The following MARCHF1 variants were observed in gnomAD, a reference collection of about 807,000 sequenced individuals.
MARCHF1 encodes the protein membrane associated ring-CH-type finger 1, also known as E3 ubiquitin-protein ligase MARCHF1.
MARCHF1 carries 40 observed loss-of-function variants against 54.2 expected under a neutral mutation model. That is an observed-to-expected ratio of 0.74 (90% CI 0.57 to 0.96). The LOEUF (loss-of-function observed/expected upper bound fraction) is 0.96. Among genes scored for constraint, MARCHF1 ranks in the 40% least tolerant of loss-of-function variants. The pLI, the probability that MARCHF1 is intolerant of heterozygous loss-of-function variation, is 0.00. For synonymous variants in MARCHF1, 236 were observed against 236.3 expected, an observed-to-expected ratio of 1.00 and a Z score of 0.01; for missense variants, 586 against 656.5, an observed-to-expected ratio of 0.89 and a Z score of 1.17.
chr4:164,313,348 CA>C lies in MARCHF1; in HGVS notation c.-323+70521del, dbSNP rs553280791. On this transcript the variant is annotated intron_variant, in intron 1 of 9. Coordinates refer to ENST00000514618, the MANE Select transcript of MARCHF1 (RefSeq NM_001394959.1). ...TGGGTGGCAGAGCAAGACTCTGTCT[CA>C]AAAAAAAAAAAAAAAAAAGTGTAGA... Among the ~76,000 whole-genome samples, 295 of 80,226 alleles carry C rather than the reference CA, an allele frequency of 3.7e-3. 3 individuals are homozygous for C. The highest frequency in any genetic ancestry group is 8.3e-3 in the Middle Eastern group (1 of 120). 52.6% of individuals were successfully genotyped at this position (80,226 alleles called of 152,430 possible).
At chr4:163,585,573 G>A (rs554750893) in intron 8 of MARCHF1, 176 bp downstream of exon 8, 18 of 441,032 alleles carry the variant, frequency 4.1e-5, no homozygotes, top group African/African-American at 3.6e-4. Context: ...ATAGAAGAAA[G>A]GAAGGATTAT....
At chr4:163,583,666 TGG>T (rs1740311190) in intron 8 of MARCHF1, 1 of 139,816 alleles carries the variant, frequency 7.2e-6, no homozygotes, top group Non-Finnish European at 1.6e-5. Flanking sequence ...TTTTTTTTTT[TGG>T]AGACAAAGTA....
rs1753679416 is a variant in MARCHF1, at chr4:164,022,122, CTTTA to C, written c.-247-33417_-247-33414del. On this transcript the variant is annotated intron_variant, in intron 2 of 9. Coordinates refer to ENST00000514618, the MANE Select transcript of MARCHF1 (RefSeq NM_001394959.1). ...GTACAATATATTGTCATTATTTTTT[CTTTA>C]GTTAAACCCCATTGATTGTGCAATA... Among the ~76,000 whole-genome samples, 3 of 151,688 alleles carry C rather than the reference CTTTA, an allele frequency of 2.0e-5. No individual in the cohort carries two copies. In the South Asian group the frequency reaches 6.2e-4, roughly 32 times the overall value.
chr4:164,346,604 GTA>G (rs56936775), intron 1 of MARCHF1, among the ~76,000 whole-genome samples: 3 of 42,598 alleles, frequency 7.0e-5, no homozygotes, highest in Non-Finnish European at 1.1e-4. Context: ...ATGTATGTAT[GTA>G]TATATATATA....
chr4:163,963,808 C>T (rs1304131873), intron 3 of MARCHF1, among the ~76,000 whole-genome samples: 1 of 151,722 alleles, frequency 6.6e-6, no homozygotes, highest in African/African-American at 2.4e-5. Context: ...ATAGAGAGGC[C>T]CTGAAGGATG....
intron 1 of MARCHF1, among the ~76,000 whole-genome samples, chr4:164,181,646 C>G (rs913326172): frequency 6.6e-6 from 1 of 152,118 alleles, no homozygotes; most frequent in Non-Finnish European, 1.5e-5. Context: ...AATTATGATG[C>G]TTCTTCGGGA....
chr4:164,108,902 G>A (rs1189040739), intron 2 of MARCHF1, among the ~76,000 whole-genome samples: 1 of 152,040 alleles, frequency 6.6e-6, no homozygotes, highest in African/African-American at 2.4e-5. Context: ...ATTTTTAAAA[G>A]TGCTTATTAA....
chr4:164,052,147 G>T (rs5863654), intron 2 of MARCHF1, among the ~76,000 whole-genome samples: 10,521 of 148,596 alleles, frequency 0.071, 461 homozygotes, highest in East Asian at 0.23. Context: ...TTTTTTTTTT[G>T]TTTTTTTTGT....
chr4:163,823,686 C>A (rs1231651472), intron 4 of MARCHF1, among the ~76,000 whole-genome samples: 1 of 151,800 alleles, frequency 6.6e-6, no homozygotes, highest in Non-Finnish European at 1.5e-5. Flanking sequence ...TTATCACTAT[C>A]ATTGCTAAAG....
chr4:164,367,027 T>C (rs1220878261), intron 1 of MARCHF1, among the ~76,000 whole-genome samples: 1 of 152,110 alleles, frequency 6.6e-6, no homozygotes, highest in Non-Finnish European at 1.5e-5. Context: ...AGGTACAGTC[T>C]AGTTACCAAA....
At chr4:163,784,648 C>T (rs1747566297) in intron 4 of MARCHF1, among the ~76,000 whole-genome samples, 1 of 152,048 alleles carries the variant, frequency 6.6e-6, no homozygotes, top group Admixed American at 6.6e-5. Flanking sequence ...TATGATAATT[C>T]ACTTATTGTT....
intron 5 of MARCHF1, among the ~76,000 whole-genome samples, chr4:163,616,496 T>A (rs542651271): frequency 2.0e-5 from 3 of 152,048 alleles, no homozygotes; most frequent in African/African-American, 7.2e-5. Flanking sequence ...AATACATATA[T>A]GAAAAAGTGC....
chr4:164,347,197 A>G (rs13125269), intron 1 of MARCHF1, among the ~76,000 whole-genome samples: 65,143 of 152,030 alleles, frequency 0.43, 14,781 homozygotes, highest in Non-Finnish European at 0.5. Context: ...GCACTAAGCT[A>G]AATGAAGAAG....
intron 9 of MARCHF1, among the ~76,000 whole-genome samples, chr4:163,538,210 ACT>A (rs1450277701): frequency 2.0e-5 from 3 of 152,192 alleles, no homozygotes; most frequent in Admixed American, 1.3e-4. Context: ...TGGGAGTCTG[ACT>A]CTGGACAAGA....
At chr4:164,099,933 A>C (rs1755502614) in intron 2 of MARCHF1, among the ~76,000 whole-genome samples, 1 of 152,198 alleles carries the variant, frequency 6.6e-6, no homozygotes, top group Non-Finnish European at 1.5e-5. Context: ...ATCTCTTGTA[A>C]TCAGCAAAGA....
chr4:164,071,353 G>GT (rs1165153419), intron 2 of MARCHF1, among the ~76,000 whole-genome samples: 3 of 151,970 alleles, frequency 2.0e-5, no homozygotes, highest in East Asian at 1.9e-4. Context: ...TAGCAGTTGA[G>GT]TTTTTTGCAT....
At chr4:163,664,067 A>G (rs957432775) in intron 5 of MARCHF1, among the ~76,000 whole-genome samples, 9 of 152,002 alleles carry the variant, frequency 5.9e-5, no homozygotes, top group African/African-American at 2.2e-4. Context: ...TCACTACCCT[A>G]TTTTTCATAG....
chr4:164,366,818 A>G (rs1730893818), intron 1 of MARCHF1, among the ~76,000 whole-genome samples: 1 of 151,994 alleles, frequency 6.6e-6, no homozygotes, highest in Non-Finnish European at 1.5e-5. Context: ...CCTGTCACCT[A>G]CATTTACAGT....
intron 1 of MARCHF1, among the ~76,000 whole-genome samples, chr4:164,208,202 G>A (rs1026863554): frequency 1.3e-5 from 2 of 152,160 alleles, no homozygotes; most frequent in Admixed American, 6.5e-5. Context: ...AGGGGCCCAG[G>A]CCTGCTAGGT....
Sources: gnomAD v4.1 joint callset for allele counts (sites outside exome capture counted in the v4.1 genomes callset) on GRCh38, gnomAD v4.1.1 for gene constraint, MANE v1.5 for transcripts, NCBI Gene and HGNC (gene_info 2026-07-23, HGNC 2026-07-21) for gene names.